H4C15: variants seen among roughly 807,000 people sequenced by gnomAD.
The protein encoded by H4C15 is H4 clustered histone 15, also known as histone H4.
the H4C15 span, chr1:149,845,151 C>T: frequency 6.6e-6 from 1 of 152,166 alleles, no homozygotes; most frequent in South Asian, 2.1e-4. Context: ...ACCTGTCAAT[C>T]GCTACTTTTC....
the H4C15 span, chr1:149,848,941 G>A: frequency 6.6e-6 from 1 of 152,096 alleles, no homozygotes; most frequent in African/African-American, 2.4e-5. Context: ...TGTCTTTACT[G>A]AACCCTAGAT....
chr1:149,850,554 T>G, downstream of H4C15: 1 of 714,012 alleles, frequency 1.4e-6, no homozygotes, highest in South Asian at 1.8e-5. Context: ...TCTCCCGCGA[T>G]GCGCTCGAAG....
At chr1:149,850,465 G>T (rs1553757662), downstream of H4C15, 4 of 964,906 alleles carry the variant, frequency 4.1e-6, no homozygotes, top group Non-Finnish European at 6.3e-6. Context: ...AGCTCGCCGG[G>T]CAGCAGCAGG....
chr1:149,849,205 A>G (rs587752547), downstream of H4C15, among the ~76,000 whole-genome samples: 1 of 152,246 alleles, frequency 6.6e-6, no homozygotes, highest in African/African-American at 2.4e-5. Context: ...TTCCATTACC[A>G]CCATTGCACT....
downstream of H4C15, chr1:149,850,913 A>G (rs1571451661): frequency 4.4e-5 from 3 of 67,886 alleles, no homozygotes; most frequent in East Asian, 8.4e-4. Flanking sequence ...GCGGCGCGCA[A>G]TGCGAGGGAG....
the H4C15 span, chr1:149,846,313 T>TA: frequency 2.0e-5 from 3 of 152,214 alleles, no homozygotes; most frequent in Non-Finnish European, 4.4e-5. Context: ...CCATTACCGC[T>TA]ACATAGTACG....
At chr1:149,850,071 G>A, downstream of H4C15, 1 of 421,914 alleles carries the variant, frequency 2.4e-6, no homozygotes, top group South Asian at 2.1e-5. Flanking sequence ...ACGTAACCAG[G>A]CCAAAGACAG....
downstream of H4C15, among the ~76,000 whole-genome samples, chr1:149,855,734 TTGTGTGTGTGTGTGTGTGTG>T (rs1177085725): frequency 9.6e-4 from 23 of 24,070 alleles, 8 homozygotes; most frequent in Non-Finnish European, 4.6e-4. Flanking sequence ...TCTACACATT[TTGTGTGTGTGTGTGTGTGTG>T]TGTGTGTGTG....
the H4C15 span, chr1:149,846,404 TG>T: frequency 6.6e-6 from 1 of 152,226 alleles, no homozygotes; most frequent in Non-Finnish European, 1.5e-5. Flanking sequence ...TAATGTAACT[TG>T]GGAGTGAAAT....
At chr1:149,850,471 G>A (rs1553757665), downstream of H4C15, 6 of 929,312 alleles carry the variant, frequency 6.5e-6, no homozygotes, top group African/African-American at 6.9e-5. Context: ...CCGGGCAGCA[G>A]CAGGCGCACG....
downstream of H4C15, chr1:149,850,570 G>A (rs1553757678): frequency 1.4e-5 from 9 of 662,214 alleles, 1 homozygote; most frequent in South Asian, 1.1e-4. Flanking sequence ...CGAAGATGTC[G>A]TTGAGGAAGG....
chr1:149,848,361 C>G, the H4C15 span: 13 of 152,172 alleles, frequency 8.5e-5, no homozygotes, highest in Non-Finnish European at 1.6e-4. Context: ...ATTGGCTTAA[C>G]TGGAAGTCCA....
downstream of H4C15, among the ~76,000 whole-genome samples, chr1:149,855,424 T>TGTGTGTG (rs1247381452): frequency 1.3e-4 from 19 of 141,406 alleles, no homozygotes; most frequent in South Asian, 9.0e-4. Flanking sequence ...TGTGTGTGTG[T>TGTGTGTG]TTAGAGGGAA....
At chr1:149,855,397 G>GTC (rs2092181823), downstream of H4C15, among the ~76,000 whole-genome samples, 1 of 146,776 alleles carries the variant, frequency 6.8e-6, no homozygotes, top group African/African-American at 2.5e-5. Flanking sequence ...GTGTGTGTGT[G>GTC]TGTGTGTGTG....
chr1:149,850,514 C>G (rs782436888), downstream of H4C15: 2 of 834,044 alleles, frequency 2.4e-6, no homozygotes, highest in South Asian at 3.0e-5. Flanking sequence ...GATGGTGGAG[C>G]GCTTGTTGTA....
downstream of H4C15, among the ~76,000 whole-genome samples, chr1:149,849,424 T>C (rs782610406): frequency 6.6e-6 from 1 of 152,200 alleles, no homozygotes; most frequent in African/African-American, 2.4e-5. Context: ...CTCGCTTCTA[T>C]TGTGGCCAGC....
chr1:149,858,649 AAGGGAGGG>A (rs1237422827), downstream of H4C15, among the ~76,000 whole-genome samples: 317 of 82,414 alleles, frequency 3.8e-3, 13 homozygotes, highest in East Asian at 0.015. Context: ...GGAAGGAAGG[AAGGGAGGG>A]AGGGAGGGAG....
downstream of H4C15, chr1:149,850,302 G>C (rs1328342825): frequency 7.1e-7 from 1 of 1,416,900 alleles, no homozygotes; most frequent in Non-Finnish European, 9.8e-7. Flanking sequence ...GTGGTTAAAT[G>C]GCCCTGAAAA....
downstream of H4C15, chr1:149,850,540 C>A (rs587761363): frequency 2.1e-5 from 16 of 751,232 alleles, no homozygotes; most frequent in South Asian, 6.7e-5. Context: ...CCAGGCGGGA[C>A]GCCTCTCCCG....
Sources: allele counts gnomAD v4.1 joint callset (sites outside exome capture counted in the v4.1 genomes callset), GRCh38; gene constraint gnomAD v4.1.1; transcripts MANE v1.5; gene names NCBI Gene and HGNC (gene_info 2026-07-23, HGNC 2026-07-21).